Variants in ADAMTSL1 observed in about 807,000 individuals in gnomAD.
ADAMTSL1 encodes ADAMTS-like protein 1.
ADAMTSL1 carries 126 observed loss-of-function variants against 201.8 expected under a neutral mutation model. The ratio of observed to expected loss-of-function variants is 0.62; its 90% CI spans 0.54 to 0.72. The LOEUF (loss-of-function observed/expected upper bound fraction) is 0.72, where lower values mean the gene tolerates loss of function less well. Ranked by LOEUF, ADAMTSL1 falls within the 30% of genes least tolerant of loss-of-function variation. ADAMTSL1 has a pLI of 0.00. For synonymous variants in ADAMTSL1, 1,121 were observed against 903.4 expected (o/e 1.24, Z -4.32); for missense variants, 2,679 against 2,277.8 (o/e 1.18, Z -3.59).
intron 1 of ADAMTSL1, among the ~76,000 whole-genome samples, chr9:18,069,462 C>T (rs971064084): frequency 2.6e-5 from 4 of 152,124 alleles, no homozygotes; most frequent in Admixed American, 1.3e-4. Context: ...ACAAAAGGTT[C>T]ATAAGTTTAC....
intron 1 of ADAMTSL1, among the ~76,000 whole-genome samples, chr9:17,929,408 G>A (rs980087044): frequency 1.3e-5 from 2 of 151,706 alleles, no homozygotes; most frequent in Non-Finnish European, 2.9e-5. Context: ...ACCCCTTTGG[G>A]GGCATTATTG....
At chr9:18,495,772 G>A (rs190197284) in intron 1 of ADAMTSL1, among the ~76,000 whole-genome samples, 9 of 152,228 alleles carry the variant, frequency 5.9e-5, no homozygotes, top group African/African-American at 1.9e-4. Context: ...GAAGGTGGGG[G>A]AGTGATACCT....
chr9:18,303,193 C>A (rs560430132), intron 2 of ADAMTSL1, among the ~76,000 whole-genome samples: 2 of 152,278 alleles, frequency 1.3e-5, no homozygotes, highest in South Asian at 4.2e-4. Flanking sequence ...TCAGGAAACC[C>A]TCAAGGAGTG....
At chr9:18,352,449 C>T (rs1836014877) in intron 2 of ADAMTSL1, among the ~76,000 whole-genome samples, 1 of 152,174 alleles carries the variant, frequency 6.6e-6, no homozygotes, top group African/African-American at 2.4e-5. Flanking sequence ...TTCCTCAATT[C>T]AGCTGACCTA....
intron 1 of ADAMTSL1, among the ~76,000 whole-genome samples, chr9:18,068,060 A>G (rs1040431541): frequency 6.6e-6 from 1 of 152,194 alleles, no homozygotes; most frequent in Non-Finnish European, 1.5e-5. Context: ...AATAATAGCC[A>G]TCTGAAGTGG....
chr9:18,488,812 G>A (rs146787851), intron 1 of ADAMTSL1, among the ~76,000 whole-genome samples: 6 of 152,230 alleles, frequency 3.9e-5, no homozygotes, highest in South Asian at 2.1e-4. Context: ...GTTTTGCCTC[G>A]TAACTACAGT....
At chr9:18,880,850 T>C (rs1828482803) in intron 23 of ADAMTSL1, among the ~76,000 whole-genome samples, 1 of 152,142 alleles carries the variant, frequency 6.6e-6, no homozygotes, top group Non-Finnish European at 1.5e-5. Flanking sequence ...GAAGAGTGTT[T>C]CATCTACACT....
intron 1 of ADAMTSL1, among the ~76,000 whole-genome samples, chr9:18,000,104 A>G (rs530671410): frequency 6.6e-6 from 1 of 150,724 alleles, no homozygotes; most frequent in Non-Finnish European, 1.5e-5. Context: ...ATTTATAGTC[A>G]TATGGGTATA....
At chr9:18,128,928 G>T (rs892603686) in intron 1 of ADAMTSL1, among the ~76,000 whole-genome samples, 1 of 152,042 alleles carries the variant, frequency 6.6e-6, no homozygotes, top group Non-Finnish European at 1.5e-5. Context: ...GAAAAAGAAA[G>T]AACCTATATT....
At chr9:18,239,713 A>G (rs1830989541) in intron 2 of ADAMTSL1, among the ~76,000 whole-genome samples, 1 of 151,980 alleles carries the variant, frequency 6.6e-6, no homozygotes, top group South Asian at 2.1e-4. Flanking sequence ...ATGCCACCGC[A>G]CTCCAGCCTG....
chr9:18,444,094 A>G (rs1474397214), intron 2 of ADAMTSL1, among the ~76,000 whole-genome samples: 2 of 152,182 alleles, frequency 1.3e-5, no homozygotes, highest in African/African-American at 4.8e-5. Context: ...TTACTTGGGG[A>G]TAAAATAGAC....
chr9:18,233,662 C>T (rs985879035), intron 2 of ADAMTSL1, among the ~76,000 whole-genome samples: 1 of 152,110 alleles, frequency 6.6e-6, no homozygotes, highest in African/African-American at 2.4e-5. Context: ...AAAAATAGCC[C>T]TTGAACACCT....
intron 3 of ADAMTSL1, among the ~76,000 whole-genome samples, chr9:18,564,475 G>C (rs1336234645): frequency 3.3e-5 from 5 of 152,168 alleles, no homozygotes; most frequent in Non-Finnish European, 5.9e-5. Flanking sequence ...GCCAGCCCCT[G>C]CCTCACTTGT....
chr9:17,920,276 T>C (rs553048567), intron 1 of ADAMTSL1, among the ~76,000 whole-genome samples: 2 of 152,304 alleles, frequency 1.3e-5, no homozygotes, highest in East Asian at 3.9e-4. Context: ...CTAGCATTCC[T>C]CCTTTCACCC....
At chr9:18,859,425 C>G (rs564350161) in intron 23 of ADAMTSL1, among the ~76,000 whole-genome samples, 1 of 152,306 alleles carries the variant, frequency 6.6e-6, no homozygotes, top group South Asian at 2.1e-4. Context: ...AATCCCCCAT[C>G]TCAGTATTCT....
intron 16 of ADAMTSL1, among the ~76,000 whole-genome samples, chr9:18,762,085 T>G (rs1820101081): frequency 6.6e-6 from 1 of 152,236 alleles, no homozygotes; most frequent in African/African-American, 2.4e-5. Flanking sequence ...CAATCATCAA[T>G]TCAACAAACA....
chr9:18,024,300 G>A (rs1820602278), intron 1 of ADAMTSL1, among the ~76,000 whole-genome samples: 2 of 151,952 alleles, frequency 1.3e-5, no homozygotes, highest in Non-Finnish European at 2.9e-5. Flanking sequence ...GGGTACATCT[G>A]TGGTTTTGCT....
At chr9:18,062,066 G>A (rs959550150) in intron 1 of ADAMTSL1, among the ~76,000 whole-genome samples, 20 of 152,170 alleles carry the variant, frequency 1.3e-4, no homozygotes, top group African/African-American at 4.8e-4. Flanking sequence ...TGGTTTAGGG[G>A]TGCATTCTTG....
chr9:18,639,246 T>A lies in ADAMTSL1; in HGVS notation c.677-8T>A. ...CTTTCTCTCATCTTCACGTGTTTGA[T>A]CATATAGATCTGGAAACCAAAACCC... is the stretch of plus-strand genomic sequence containing the variant. On this transcript the variant is annotated splice_region_variant and splice_polypyrimidine_tract_variant and intron_variant, in intron 6 of 28. Coordinates refer to ENST00000380548, the MANE Select transcript of ADAMTSL1 (RefSeq NM_001040272.6). 6.2e-7 allele frequency: 1 copy of A among 1,612,320 alleles called. No homozygotes were observed. The highest frequency in any genetic ancestry group is 8.5e-7 in the Non-Finnish European group (1 of 1,178,880).
Sources: gnomAD v4.1 joint callset for allele counts (sites outside exome capture counted in the v4.1 genomes callset) on GRCh38, gnomAD v4.1.1 for gene constraint, MANE v1.5 for transcripts, NCBI Gene and HGNC (gene_info 2026-07-23, HGNC 2026-07-21) for gene names.